ETS2: variants seen among roughly 807,000 people sequenced by gnomAD.
The protein encoded by ETS2 is protein C-ets-2.
A neutral mutation model predicts 54.9 loss-of-function variants in ETS2; 19 were observed. The observed-to-expected ratio is 0.35, with a 90% confidence interval of 0.24 to 0.51. The LOEUF is 0.51. Among genes scored for constraint, ETS2 ranks in the 20% least tolerant of loss-of-function variants. ETS2 has a pLI of 0.97. For synonymous variants in ETS2, 219 were observed against 229.3 expected (o/e 0.95, Z 0.41); for missense variants, 417 against 593.0 (o/e 0.70, Z 3.08).
Position 38,814,496 on chromosome 21 carries a change from A to C in ETS2, c.304+104A>C. 7.1e-7 allele frequency: 1 copy of C among 1,412,080 alleles called. No individual in the cohort carries two copies. The allele number at this position is 1,412,080 out of a possible 1,614,324, so 87.5% of individuals were successfully genotyped here. On this transcript the variant is annotated intron_variant, in intron 4 of 9. Transcript: ENST00000360938. The surrounding 1 kb of genome is among the most constrained non-coding windows in gnomAD (Gnocchi z 4.2). The stretch of plus-strand genomic sequence containing the variant: ...TAAGCTTTTGCTTGGGGTATTCTGC[A>C]AAGAGTAGCATGGATGTCGTTAACC...
At position 38,821,794 on chromosome 21, in the gene ETS2, G is replaced by A. The variant is rs2060959263; in HGVS notation, c.1194+90G>A. The A allele has an allele frequency of 1.1e-6, 1 of 892,078 alleles. No individual in the cohort carries two copies. The highest frequency in any genetic ancestry group is 1.6e-5 in the African/African-American group (1 of 60,980). 55.3% of individuals were successfully genotyped at this position (892,078 alleles called of 1,614,324 possible). On this transcript the variant is annotated intron_variant, in intron 9 of 9. Transcript: ENST00000360938. The surrounding 1 kb of genome is among the most constrained non-coding windows in gnomAD (Gnocchi z 4.2). ...CTCAGTTCTTTGGGCACAAAAAAGG[G>A]TTCACCAGTACTGCTGAGAATCTTT...
intron 1 of ETS2, among the ~76,000 whole-genome samples, chr21:38,809,075 C>T (rs1203636820): frequency 6.6e-6 from 1 of 152,240 alleles, no homozygotes; most frequent in Non-Finnish European, 1.5e-5. Flanking sequence ...TTACAAGCCT[C>T]ATTGTAATAG....
In ETS2 at chr21:38,815,247, A is replaced by G. The variant is rs142871793; in HGVS notation, c.505+266A>G. 3.6e-3 allele frequency among the ~76,000 whole-genome samples: 546 copies of G among 152,036 alleles called. 6 individuals are homozygous for G. The highest frequency in any genetic ancestry group is 0.013 in the African/African-American group (520 of 41,434). Reference sequence around the variant, plus strand: ...ACAAGGTAGTAGCCTTAGTCACTAAATTGTTTGCTATTGCTGGCTGTATTC... The same window carrying G: ...ACAAGGTAGTAGCCTTAGTCACTAAGTTGTTTGCTATTGCTGGCTGTATTC... On this transcript the variant is annotated intron_variant, in intron 5 of 9. Coordinates refer to ENST00000360938, the MANE Select transcript of ETS2 (RefSeq NM_005239.6).
rs116698978 is a variant in ETS2 at position 38,818,580 on chromosome 21, G to A, written c.745G>A (p.Val249Ile). The A allele has an allele frequency of 2.0e-4, 324 of 1,614,114 alleles. 6 individuals are homozygous for A. In the African/African-American group the frequency reaches 3.3e-3, roughly 17 times the overall value. The change falls in exon 7 of 10, where the codon GTC becomes ATC. Residue 249 changes from valine to isoleucine, a missense_variant. By Grantham distance (29) the Val-to-Ile change is conservative. Coordinates refer to ENST00000360938, the MANE Select transcript of ETS2 (RefSeq NM_005239.6). Reference protein sequence around the residue: ...FPKSRLSSVSVTYCSVSQDFP... With the variant: ...FPKSRLSSVSITYCSVSQDFP... ...CAAGTCTCGGCTCAGCTCCGTCAGC[G>A]TCACCTACTGCTCTGTCAGTCAGGA...
chr21:38,819,472 A>G (rs897937533), intron 7 of ETS2, 31 bp from the exon 8 acceptor site: 4 of 1,610,270 alleles, frequency 2.5e-6, no homozygotes, highest in Non-Finnish European at 3.4e-6. Flanking sequence ...TCCTGGAGGA[A>G]TCAAAGTATG....
Position 38,817,078 on chromosome 21 carries a change from C to G in ETS2, c.576C>G (p.Asn192Lys), listed in dbSNP as rs1324322890. ...SHLTSVPHWI[N>K]SNTLGFGTEQ... is the part of the protein sequence containing the mutation. ...TCACCTCCGTTCCTCATTGGATTAA[C>G]AGCAATACATTAGGTCAGTCCGATT... Residue 192 changes from asparagine to lysine, a missense_variant, in exon 6 of 10, where the codon AAC becomes AAG. Physicochemically the swap from Asn to Lys is moderately conservative, Grantham distance 94. This residue lies in a region of ETS2 where 326 missense variants were observed against 426.1 expected (regional missense o/e 0.76). Coordinates refer to ENST00000360938, the MANE Select transcript of ETS2 (RefSeq NM_005239.6). 6.2e-7 allele frequency: 1 copy of G among 1,601,830 alleles called. No homozygotes were observed. The highest frequency in any genetic ancestry group is 8.6e-7 in the Non-Finnish European group (1 of 1,168,896).
At chr21:38,809,342 C>T (rs368439249) in intron 1 of ETS2, among the ~76,000 whole-genome samples, 36 of 152,298 alleles carry the variant, frequency 2.4e-4, no homozygotes, top group African/African-American at 8.7e-4. Flanking sequence ...GGAAGTAAGG[C>T]AGATCCGTGC....
chr21:38,805,396 T>A (rs1569019037), upstream of ETS2: 1 of 1,288,776 alleles, frequency 7.8e-7, no homozygotes, highest in Non-Finnish European at 1.0e-6. This position sits in a 1 kb window ranked among gnomAD's most constrained non-coding sequence, Gnocchi z 5.2. Flanking sequence ...CGGCTGCCCT[T>A]CGGTGCCACC....
At chr21:38,810,380 A>G (rs543489154) in intron 2 of ETS2, among the ~76,000 whole-genome samples, 38 of 152,296 alleles carry the variant, frequency 2.5e-4, no homozygotes, top group African/African-American at 8.9e-4. Context: ...TGAAAATCCT[A>G]TAACTCCCAA....
Position 38,811,098 on chromosome 21 carries a change from C to T in ETS2, c.72+992C>T, listed in dbSNP as rs80182146. Among the ~76,000 whole-genome samples the T allele has an allele frequency of 9.5e-3, 1,442 of 151,404 alleles. 32 individuals are homozygous for T. The highest frequency in any genetic ancestry group is 0.033 in the African/African-American group (1,376 of 41,178). On this transcript the variant is annotated intron_variant, in intron 2 of 9. Transcript: ENST00000360938. ...TTCAAATAATTTGACGATGCTTATG[C>T]GGTTTCTGAAAAGAAGCAGTCGTTG... is the stretch of plus-strand genomic sequence containing the variant.
At position 38,824,555 on chromosome 21, in the gene ETS2, GT is replaced by G. The variant is rs2060971599; in HGVS notation, c.*1667del. 1 of 152,312 alleles carries G rather than the reference GT, an allele frequency of 6.6e-6. No homozygotes were observed. The highest frequency in any genetic ancestry group is 1.5e-5 in the Non-Finnish European group (1 of 68,090). The allele number at this position is 152,312 out of a possible 1,614,324, so 9.4% of individuals were successfully genotyped here. ...TCCTGTGATGAAACTGAGGAATCGGGTGGCCGGGCAAGCTGGGAAGAGCAAA... is the reference window on the plus strand; with the variant it reads ...TCCTGTGATGAAACTGAGGAATCGGGGGCCGGGCAAGCTGGGAAGAGCAAA... On this transcript the variant is annotated 3_prime_UTR_variant, in exon 10 of 10. Coordinates refer to ENST00000360938, the MANE Select transcript of ETS2 (RefSeq NM_005239.6).
chr21:38,817,708 C>A (rs1214191370), intron 6 of ETS2, among the ~76,000 whole-genome samples: 1 of 152,192 alleles, frequency 6.6e-6, no homozygotes, highest in Admixed American at 6.5e-5. Context: ...GTTGCTGATA[C>A]TGGGGAGGGC....
rs369913456 is a variant in ETS2 at position 38,807,417 on chromosome 21, C to CTTTTTTTTT, written c.-1+1307_-1+1315dup. ...AGCTGTTACATTTCTGCTCTTTATCCTTTTTTTTTTTTTTTTTTGGTTTAA... is the reference window on the plus strand; with the variant it reads ...AGCTGTTACATTTCTGCTCTTTATCCTTTTTTTTTTTTTTTTTTTTTTTTTTTGGTTTAA... On this transcript the variant is annotated intron_variant, in intron 1 of 9. Transcript: ENST00000360938. Among the ~76,000 whole-genome samples the CTTTTTTTTT allele has an allele frequency of 8.2e-5, 11 of 133,342 alleles. 1 individual carries two copies. Among genetic ancestry groups the CTTTTTTTTT allele is most frequent in the Admixed American group, 1.5e-4 (2 of 13,184 alleles). The allele number at this position is 133,342 out of a possible 152,430, so 87.5% of individuals were successfully genotyped here. A position where few individuals can be genotyped will look rare whatever the true frequency, so the allele number is the denominator to read the frequency against.
chr21:38,806,230 C>T lies in ETS2; in HGVS notation c.-1+110C>T. ...GGGCACTGACACGCAGATCTCGGGG[C>T]GCTGCCGGGGGTGCAGGTGGGGGTG... On this transcript the variant is annotated intron_variant, in intron 1 of 9. Transcript: ENST00000360938. The surrounding 1 kb of genome is among the most constrained non-coding windows in gnomAD (Gnocchi z 4.3). 1.0e-6 allele frequency: 1 copy of T among 986,858 alleles called. No individual in the cohort carries two copies. The highest frequency in any genetic ancestry group is 1.2e-6 in the Non-Finnish European group (1 of 830,044). 61.1% of individuals were successfully genotyped at this position (986,858 alleles called of 1,614,324 possible).
chr21:38,818,090 C>T (rs1174393447), intron 6 of ETS2, among the ~76,000 whole-genome samples: 5 of 152,342 alleles, frequency 3.3e-5, no homozygotes, highest in Non-Finnish European at 7.3e-5. Flanking sequence ...TGACACGTCA[C>T]TTGGTCTGTC....
chr21:38,821,817 T>A lies in ETS2; in HGVS notation c.1194+113T>A. The A allele has an allele frequency of 1.4e-6, 1 of 737,756 alleles. No homozygotes were observed. The highest frequency in any genetic ancestry group is 2.4e-6 in the Non-Finnish European group (1 of 421,410). The allele number at this position is 737,756 out of a possible 1,614,324, so 45.7% of individuals were successfully genotyped here. A position where few individuals can be genotyped will look rare whatever the true frequency, so the allele number is the denominator to read the frequency against. On this transcript the variant is annotated intron_variant, in intron 9 of 9. Transcript: ENST00000360938. The surrounding 1 kb of genome is among the most constrained non-coding windows in gnomAD (Gnocchi z 4.2). ...GGGTTCACCAGTACTGCTGAGAATCTTTCCACGTGAGGCATCCTTGGCTGT... is the reference window on the plus strand; with the variant it reads ...GGGTTCACCAGTACTGCTGAGAATCATTCCACGTGAGGCATCCTTGGCTGT...
Position 38,823,460 on chromosome 21 carries a change from C to T in ETS2, c.*571C>T, listed in dbSNP as rs1351484692. 1.3e-5 allele frequency: 2 copies of T among 152,430 alleles called. No homozygotes were observed. Among genetic ancestry groups the T allele is most frequent in the Non-Finnish European group, 2.9e-5 (2 of 68,030 alleles). 9.4% of individuals were successfully genotyped at this position (152,430 alleles called of 1,614,324 possible). Reference sequence around the variant, plus strand: ...ACTGTATTTGAAATAAGAATTCAGACATCTGAGGTTTTATTTCATTTTTCA... The same window carrying T: ...ACTGTATTTGAAATAAGAATTCAGATATCTGAGGTTTTATTTCATTTTTCA... On this transcript the variant is annotated 3_prime_UTR_variant, in exon 10 of 10. Coordinates refer to ENST00000360938, the MANE Select transcript of ETS2 (RefSeq NM_005239.6).
At chr21:38,808,758 AGTTGAAT>A (rs1268965042) in intron 1 of ETS2, among the ~76,000 whole-genome samples, 1 of 152,216 alleles carries the variant, frequency 6.6e-6, no homozygotes, top group Non-Finnish European at 1.5e-5. Context: ...AAGTTCTATC[AGTTGAAT>A]GTTGTCTGAA....
At position 38,814,770 on chromosome 21, in the gene ETS2, T is replaced by C. The variant is rs759910829; in HGVS notation, c.305-11T>C. ...ACCTCATGTGTTCCATTTTTTCTTC[T>C]CTCCTGGTAGACCCCTGGCTGTGGA... On this transcript the variant is annotated splice_polypyrimidine_tract_variant and intron_variant, in intron 4 of 9. Coordinates refer to ENST00000360938, the MANE Select transcript of ETS2 (RefSeq NM_005239.6). The surrounding 1 kb of genome is among the most constrained non-coding windows in gnomAD (Gnocchi z 4.2). 1 of 1,612,590 alleles carries C rather than the reference T, an allele frequency of 6.2e-7. No individual in the cohort carries two copies. The highest frequency in any genetic ancestry group is 8.5e-7 in the Non-Finnish European group (1 of 1,178,822).
Sources: allele counts gnomAD v4.1 joint callset (sites outside exome capture counted in the v4.1 genomes callset), GRCh38; gene constraint gnomAD v4.1.1; regional missense constraint gnomAD v4.1.1; non-coding constraint Gnocchi (gnomAD v3.1); transcripts MANE v1.5; gene names NCBI Gene and HGNC (gene_info 2026-07-23, HGNC 2026-07-21).